Variants in MEGF11 observed in about 807,000 individuals in gnomAD.
MEGF11 encodes multiple EGF like domains 11.
A neutral mutation model predicts 146.6 loss-of-function variants in MEGF11; 126 were observed. The ratio of observed to expected loss-of-function variants is 0.86; its 90% CI spans 0.74 to 1.00. The LOEUF (loss-of-function observed/expected upper bound fraction) is 1.00, where lower values mean the gene tolerates loss of function less well. MEGF11 is among the 50% of genes least tolerant of loss of function. The probability of loss-of-function intolerance (pLI) is 0.00; values close to 1 mark genes in which losing one functional copy is unlikely to be tolerated. For missense variants in MEGF11, 1,509 were observed against 1,521.2 expected (o/e 0.99, Z 0.13); for synonymous variants, 532 against 583.4 (o/e 0.91, Z 1.27).
At chr15:65,973,407 T>G (rs2141627682) in intron 7 of MEGF11, among the ~76,000 whole-genome samples, 1 of 152,220 alleles carries the variant, frequency 6.6e-6, no homozygotes, top group African/African-American at 2.4e-5. Context: ...TGTTAGAGAG[T>G]TTTAAGGATA....
intron 1 of MEGF11, among the ~76,000 whole-genome samples, chr15:66,159,864 G>T (rs1482706582): frequency 6.6e-6 from 1 of 152,146 alleles, no homozygotes; most frequent in African/African-American, 2.4e-5. Context: ...CTAGAAGAGG[G>T]TGCAGCGGTC....
chr15:66,126,407 C>T (rs975879206), intron 2 of MEGF11, among the ~76,000 whole-genome samples: 1 of 152,244 alleles, frequency 6.6e-6, no homozygotes, highest in Admixed American at 6.5e-5. Flanking sequence ...TCTTCCCATC[C>T]AGGCTGTAAC....
At chr15:66,048,231 G>T (rs924661673) in intron 5 of MEGF11, among the ~76,000 whole-genome samples, 2 of 152,150 alleles carry the variant, frequency 1.3e-5, no homozygotes, top group Admixed American at 1.3e-4. Context: ...CAGGCATGAG[G>T]CACCGCGCCC....
At chr15:65,911,641 G>C (rs1168448209) in intron 21 of MEGF11, among the ~76,000 whole-genome samples, 1 of 152,152 alleles carries the variant, frequency 6.6e-6, no homozygotes, top group African/African-American at 2.4e-5. Flanking sequence ...TCAATATCTC[G>C]ACCTTGTGAT....
chr15:66,138,562 C>T (rs189907475), intron 1 of MEGF11, among the ~76,000 whole-genome samples: 30 of 152,224 alleles, frequency 2.0e-4, no homozygotes, highest in African/African-American at 3.1e-4. Flanking sequence ...GGGTCACGGC[C>T]GGCACTTCAC....
chr15:66,059,329 C>T (rs1046110756), intron 5 of MEGF11, among the ~76,000 whole-genome samples: 10 of 152,182 alleles, frequency 6.6e-5, no homozygotes, highest in East Asian at 1.9e-4. Flanking sequence ...ATTAGAGCCC[C>T]GCTACCCCTT....
At chr15:66,200,999 C>A (rs2091144182) in intron 1 of MEGF11, among the ~76,000 whole-genome samples, 1 of 152,086 alleles carries the variant, frequency 6.6e-6, no homozygotes, top group Non-Finnish European at 1.5e-5. Flanking sequence ...GCTGGGCTGC[C>A]CCTGCATGTA....
intron 5 of MEGF11, among the ~76,000 whole-genome samples, chr15:66,082,057 CT>C (rs1221636280): frequency 1.3e-5 from 2 of 152,150 alleles, no homozygotes; most frequent in Admixed American, 1.3e-4. Flanking sequence ...GTGAGAAACA[CT>C]TTTCCGTGGA....
intron 5 of MEGF11, among the ~76,000 whole-genome samples, chr15:66,080,547 T>G (rs2085804781): frequency 6.6e-6 from 1 of 152,178 alleles, no homozygotes; most frequent in Non-Finnish European, 1.5e-5. Flanking sequence ...GCTCTCCTCA[T>G]CTCTGAACCC....
At chr15:66,127,153 C>T (rs538242524) in intron 2 of MEGF11, among the ~76,000 whole-genome samples, 1 of 152,346 alleles carries the variant, frequency 6.6e-6, no homozygotes, top group South Asian at 2.1e-4. Flanking sequence ...TCAGAGACTT[C>T]CCCAGAGTCA....
chr15:66,094,322 T>G, intron 5 of MEGF11, 80 bp downstream of exon 5: 1 of 1,218,352 alleles, frequency 8.2e-7, no homozygotes, highest in African/African-American at 1.5e-5. Context: ...AACACAAAAA[T>G]GTAGCATGCA....
At chr15:66,070,769 C>A (rs190688228) in intron 5 of MEGF11, among the ~76,000 whole-genome samples, 2 of 152,248 alleles carry the variant, frequency 1.3e-5, no homozygotes, top group East Asian at 3.9e-4. Context: ...GCAAGGCTGT[C>A]GAGGAAGTGG....
At chr15:66,040,679 G>A (rs2083933923) in intron 5 of MEGF11, among the ~76,000 whole-genome samples, 1 of 152,144 alleles carries the variant, frequency 6.6e-6, no homozygotes, top group Non-Finnish European at 1.5e-5. Flanking sequence ...GAGAGGAGTG[G>A]AGGGCATTCC....
chr15:66,214,028 C>T (rs962165067), intron 1 of MEGF11, among the ~76,000 whole-genome samples: 4 of 130,236 alleles, frequency 3.1e-5, no homozygotes, highest in Admixed American at 1.7e-4. Context: ...ATGAGCCGGC[C>T]ACTTTTTTTT....
At chr15:66,162,916 G>A (rs771743658) in intron 1 of MEGF11, among the ~76,000 whole-genome samples, 3 of 152,176 alleles carry the variant, frequency 2.0e-5, no homozygotes, top group Non-Finnish European at 2.9e-5. Flanking sequence ...AAGTCATCTC[G>A]AAAGGGTAAC....
intron 1 of MEGF11, among the ~76,000 whole-genome samples, chr15:66,199,986 A>C (rs8026040): frequency 0.44 from 67,130 of 152,140 alleles, 15,170 homozygotes; most frequent in East Asian, 0.59. Context: ...TTACAACCTT[A>C]TAATAACATT....
chr15:66,149,857 C>T (rs1436226428), intron 1 of MEGF11, among the ~76,000 whole-genome samples: 1 of 152,254 alleles, frequency 6.6e-6, no homozygotes, highest in African/African-American at 2.4e-5. Flanking sequence ...ATGATGGCCA[C>T]ACCAGGGCTT....
chr15:65,922,560 T>C, intron 14 of MEGF11, 88 bp from the exon 15 acceptor site: 1 of 1,447,998 alleles, frequency 6.9e-7, no homozygotes, highest in African/African-American at 1.4e-5. Flanking sequence ...CTCAGAAACA[T>C]GGGGAGACCT....
At chr15:65,994,817 T>C (rs983159962) in intron 5 of MEGF11, among the ~76,000 whole-genome samples, 2 of 152,222 alleles carry the variant, frequency 1.3e-5, no homozygotes, top group Admixed American at 6.5e-5. Context: ...GCCAAAGGAA[T>C]TCACAGTTGT....
Sources: gnomAD v4.1 joint callset for allele counts (sites outside exome capture counted in the v4.1 genomes callset) on GRCh38, gnomAD v4.1.1 for gene constraint, MANE v1.5 for transcripts, NCBI Gene and HGNC (gene_info 2026-07-23, HGNC 2026-07-21) for gene names.